Variants in ULK4 observed in about 807,000 individuals in gnomAD.
ULK4 encodes inactive serine/threonine-protein kinase ULK4.
In ULK4, 133 loss-of-function variants were observed where a neutral mutation model predicts 160.6. The ratio of observed to expected loss-of-function variants is 0.83; its 90% CI spans 0.72 to 0.96. The LOEUF (loss-of-function observed/expected upper bound fraction) is 0.96, where lower values mean the gene tolerates loss of function less well. ULK4 is among the 40% of genes least tolerant of loss of function. The pLI is 0.00. For synonymous variants in ULK4, 534 were observed against 539.8 expected (o/e 0.99, Z 0.15); for missense variants, 1,580 against 1,499.5 (o/e 1.05, Z -0.89).
rs187590002 is a variant in ULK4, at chr3:41,921,632, A to C, written c.542-1814T>G. Among the ~76,000 whole-genome samples, 1,290 of 152,216 alleles carry C rather than the reference A, an allele frequency of 8.5e-3. 14 individuals carry two copies. The highest frequency in any genetic ancestry group is 0.03 in the African/African-American group (1,241 of 41,524). ...TCCGTCTCTAAATAAATAAATAAAT[A>C]AATGTGGAATTAACAAATAAATGCA... On this transcript the variant is annotated intron_variant, in intron 5 of 36. Coordinates refer to ENST00000301831, the MANE Select transcript of ULK4 (RefSeq NM_017886.4).
Position 41,835,981 on chromosome 3 carries a change from C to CAA in ULK4, c.1657-12_1657-11dup, listed in dbSNP as rs58776901. ...TTAAGAGAACAATTGCCTGCAAAGA[C>CAA]AAAAAAAAAAAAAGTAAATTATTTC... On this transcript the variant is annotated splice_polypyrimidine_tract_variant and intron_variant, in intron 17 of 36. Transcript: ENST00000301831. 18,239 of 1,167,358 alleles carry CAA rather than the reference C, an allele frequency of 0.016. 100 individuals are homozygous for CAA. The highest frequency in any genetic ancestry group is 0.074 in the African/African-American group (4,314 of 58,100). The allele number at this position is 1,167,358 out of a possible 1,614,324, so 72.3% of individuals were successfully genotyped here.
chr3:41,655,730 T>C (rs949870762), intron 30 of ULK4, among the ~76,000 whole-genome samples: 2 of 152,158 alleles, frequency 1.3e-5, no homozygotes, highest in Admixed American at 6.5e-5. Flanking sequence ...TTATTTCACC[T>C]ATTGAGATTT....
chr3:41,941,671 C>T (rs1445342863), intron 2 of ULK4, among the ~76,000 whole-genome samples: 1 of 145,348 alleles, frequency 6.9e-6, no homozygotes, highest in Non-Finnish European at 1.5e-5. Flanking sequence ...GCAGGAGGAT[C>T]CATTGAGCCC....
At chr3:41,346,570 G>A (rs2080804738) in intron 35 of ULK4, among the ~76,000 whole-genome samples, 1 of 152,166 alleles carries the variant, frequency 6.6e-6, no homozygotes, top group Non-Finnish European at 1.5e-5. Flanking sequence ...AACGGACAGA[G>A]GGAGGGAGGC....
At chr3:41,483,479 A>G (rs1162407799) in intron 32 of ULK4, among the ~76,000 whole-genome samples, 3 of 151,968 alleles carry the variant, frequency 2.0e-5, no homozygotes, top group African/African-American at 7.3e-5. Flanking sequence ...GGTCAGATTG[A>G]TATTCAGAGA....
intron 35 of ULK4, among the ~76,000 whole-genome samples, chr3:41,323,203 T>C (rs1251632271): frequency 2.6e-5 from 4 of 151,650 alleles, no homozygotes; most frequent in African/African-American, 7.3e-5. Flanking sequence ...TTCCAAAGTG[T>C]TGGGATTACA....
At chr3:41,514,528 G>A (rs959702521) in intron 32 of ULK4, among the ~76,000 whole-genome samples, 11 of 152,118 alleles carry the variant, frequency 7.2e-5, no homozygotes, top group African/African-American at 2.4e-4. Context: ...ATATGAAATC[G>A]ACCTGGGTGT....
At chr3:41,887,765 G>C (rs537238088) in intron 16 of ULK4, among the ~76,000 whole-genome samples, 1 of 71,362 alleles carries the variant, frequency 1.4e-5, no homozygotes, top group South Asian at 6.7e-4. Flanking sequence ...AGGTTGCAGT[G>C]AGCCAAGATC....
chr3:41,534,676 T>C (rs779950570), intron 32 of ULK4, among the ~76,000 whole-genome samples: 2 of 152,170 alleles, frequency 1.3e-5, no homozygotes, highest in African/African-American at 2.4e-5. Context: ...CCATACTTCA[T>C]TGACTCTAAG....
intron 21 of ULK4, among the ~76,000 whole-genome samples, chr3:41,757,780 C>T (rs545360927): frequency 3.1e-4 from 47 of 151,766 alleles, no homozygotes; most frequent in African/African-American, 1.1e-3. Context: ...ACTACAGGTG[C>T]GTGCCACCGG....
At chr3:41,387,345 T>C (rs2081840914) in intron 35 of ULK4, among the ~76,000 whole-genome samples, 1 of 152,052 alleles carries the variant, frequency 6.6e-6, no homozygotes, top group South Asian at 2.1e-4. Context: ...ATTCCTCTTA[T>C]TTAGCTGTAA....
Position 41,873,139 on chromosome 3 carries a change from G to A in ULK4, c.1656+10735C>T, listed in dbSNP as rs190246532. ...TGCACTCCAGCCTGGCCGACAGGGC[G>A]AGACTCCATCTCAAATAAATAAATA... On this transcript the variant is annotated intron_variant, in intron 17 of 36. Coordinates refer to ENST00000301831, the MANE Select transcript of ULK4 (RefSeq NM_017886.4). Among the ~76,000 whole-genome samples the A allele has an allele frequency of 2.4e-3, 365 of 152,172 alleles. 1 individual carries two copies. Among genetic ancestry groups the A allele is most frequent in the Non-Finnish European group, 4.1e-3 (282 of 67,998 alleles).
chr3:41,627,438 G>A (rs2033566193), intron 30 of ULK4, among the ~76,000 whole-genome samples: 1 of 152,176 alleles, frequency 6.6e-6, no homozygotes, highest in African/African-American at 2.4e-5. Context: ...CAAGACACAT[G>A]ACACAAGAGG....
chr3:41,879,981 G>T (rs552524079), intron 17 of ULK4, among the ~76,000 whole-genome samples: 6 of 152,070 alleles, frequency 3.9e-5, no homozygotes, highest in Admixed American at 3.9e-4. Context: ...TTAGCTGGGC[G>T]TGGTAGTGCA....
chr3:41,904,275 A>T (rs539382197), intron 12 of ULK4, among the ~76,000 whole-genome samples: 2 of 152,214 alleles, frequency 1.3e-5, no homozygotes, highest in East Asian at 3.9e-4. Context: ...TAAAAATACA[A>T]AAAATTAGCC....
intron 17 of ULK4, among the ~76,000 whole-genome samples, chr3:41,860,313 G>A (rs1289051631): frequency 6.6e-6 from 1 of 152,138 alleles, no homozygotes; most frequent in Admixed American, 6.5e-5. Flanking sequence ...GTCCAATGCT[G>A]AAAATGGGGT....
chr3:41,464,801 A>T (rs747728078), intron 32 of ULK4, among the ~76,000 whole-genome samples: 25 of 152,158 alleles, frequency 1.6e-4, no homozygotes, highest in Non-Finnish European at 3.1e-4. Flanking sequence ...AAAGAAGGAT[A>T]TGGTTCTTTA....
chr3:41,287,664 G>T (rs1021235909), intron 35 of ULK4, among the ~76,000 whole-genome samples: 1 of 152,146 alleles, frequency 6.6e-6, no homozygotes, highest in Non-Finnish European at 1.5e-5. Context: ...TCTTCAAATA[G>T]ACACCTGATT....
At chr3:41,717,899 A>G in intron 22 of ULK4, 38 bp from the exon 23 acceptor site, 1 of 1,594,260 alleles carries the variant, frequency 6.3e-7, no homozygotes, top group Non-Finnish European at 8.6e-7. Flanking sequence ...CTCTCATGAT[A>G]AAACACTTGA....
Sources: gnomAD v4.1 joint callset for allele counts (sites outside exome capture counted in the v4.1 genomes callset) on GRCh38, gnomAD v4.1.1 for gene constraint, MANE v1.5 for transcripts, NCBI Gene and HGNC (gene_info 2026-07-23, HGNC 2026-07-21) for gene names.